BRME1: variants seen among roughly 807,000 people sequenced by gnomAD.
The protein encoded by BRME1 is BRCA2 and MEILB2-associating protein 1.
In BRME1, 31 loss-of-function variants were observed where a neutral mutation model predicts 52.6. The observed-to-expected ratio is 0.59, with a 90% CI of 0.44 to 0.80. BRME1 has a LOEUF of 0.80. BRME1 is among the 30% of genes least tolerant of loss of function. The pLI, the probability that BRME1 is intolerant of heterozygous loss-of-function variation, is 0.00. For synonymous variants in BRME1, 359 were observed against 353.6 expected (o/e 1.02, Z -0.17); for missense variants, 804 against 860.3 (o/e 0.93, Z 0.82).
At chr19:13,905,547 AC>A (rs1568397034) in intron 1 of BRME1, among the ~76,000 whole-genome samples, 167 bp downstream of exon 1, 1 of 151,454 alleles carries the variant, frequency 6.6e-6, no homozygotes, top group Non-Finnish European at 1.5e-5. Flanking sequence ...GGTGGCACAC[AC>A]CCGTAATCCC....
chr19:13,892,332 T>A (rs1969561346), intron 5 of BRME1, among the ~76,000 whole-genome samples: 1 of 152,262 alleles, frequency 6.6e-6, no homozygotes, highest in Non-Finnish European at 1.5e-5. Flanking sequence ...ATGCCTGTAA[T>A]CCCAGCACTT....
intron 5 of BRME1, 63 bp downstream of exon 5, chr19:13,892,723 C>A: frequency 7.2e-7 from 1 of 1,386,894 alleles, no homozygotes; most frequent in Non-Finnish European, 1.0e-6. Context: ...AATGGGGCTG[C>A]CGAGGCTGGG....
intron 2 of BRME1, among the ~76,000 whole-genome samples, chr19:13,898,283 T>C (rs547311807): frequency 2.0e-4 from 30 of 152,210 alleles, no homozygotes; most frequent in Admixed American, 2.0e-4. Flanking sequence ...ACTGAATGCC[T>C]ACTATGTAGT....
chr19:13,889,211 CAG>C lies in BRME1; in HGVS notation c.1643_1644del (p.Ser548Ter). On this transcript the variant is annotated frameshift_variant, in exon 6 of 9. Coordinates refer to ENST00000586783, the MANE Select transcript of BRME1 (RefSeq NM_001345843.2). LOFTEE classifies it high-confidence loss of function. ...DSQIQDALDASDFEAPPEQLF... is the reference protein window; with the variant it reads ...DSQIQDALDAXDFEAPPEQLF... ...ACCTGCTCAGGTGGGGCTTCGAAGT[CAG>C]AGGCGTCCAGGGCATCCTGTATCTG... 1 of 1,597,608 alleles carries C rather than the reference CAG, an allele frequency of 6.3e-7. No individual in the cohort carries two copies. The highest frequency in any genetic ancestry group is 1.1e-5 in the South Asian group (1 of 88,910).
intron 6 of BRME1, among the ~76,000 whole-genome samples, chr19:13,886,446 G>A (rs1050130316): frequency 6.6e-6 from 1 of 152,188 alleles, no homozygotes; most frequent in Non-Finnish European, 1.5e-5. Flanking sequence ...AACACAAAGC[G>A]GGGGCAACTG....
At position 13,882,733 on chromosome 19, in the gene BRME1, GGA is replaced by G; in HGVS notation, c.*67_*68del. 1 of 1,592,746 alleles carries G rather than the reference GGA, an allele frequency of 6.3e-7. No homozygotes were observed. Among genetic ancestry groups the G allele is most frequent in the South Asian group, 1.1e-5 (1 of 89,906 alleles). ...TTTGTAGGGTCCACTAGGACCCCCT[GGA>G]GCATCTTGGAGGAGGTCTGCGGACA... On this transcript the variant is annotated 3_prime_UTR_variant, in exon 9 of 9. Transcript: ENST00000586783.
chr19:13,900,428 C>T (rs149710117), intron 2 of BRME1, among the ~76,000 whole-genome samples: 2 of 152,258 alleles, frequency 1.3e-5, no homozygotes, highest in Non-Finnish European at 2.9e-5. Context: ...TCCCCAGCTT[C>T]CCCCTCCAAG....
Position 13,905,861 on chromosome 19 carries a change from G to A in BRME1, c.-168C>T, listed in dbSNP as rs756409414. 6.6e-6 allele frequency: 1 copy of A among 152,168 alleles called. No homozygotes were observed. The highest frequency in any genetic ancestry group is 1.5e-5 in the Non-Finnish European group (1 of 68,066). 9.4% of individuals were successfully genotyped at this position (152,168 alleles called of 1,614,324 possible). On this transcript the variant is annotated 5_prime_UTR_variant, in exon 1 of 9. Coordinates refer to ENST00000586783, the MANE Select transcript of BRME1 (RefSeq NM_001345843.2). ...AATTGGCCCTCACAGAACGCTGGAGGCCTCGAGTCCGGAGGTGAAAGATGG... is the reference window on the plus strand; with the variant it reads ...AATTGGCCCTCACAGAACGCTGGAGACCTCGAGTCCGGAGGTGAAAGATGG...
At chr19:13,890,537 G>A in intron 5 of BRME1, 75 bp from the exon 6 acceptor site, 2 of 1,360,568 alleles carry the variant, frequency 1.5e-6, no homozygotes, top group East Asian at 5.1e-5. Context: ...TTAGGTTGGT[G>A]TAAAAGTAAT....
Position 13,882,441 on chromosome 19 carries a change from C to T in BRME1, c.*361G>A. On this transcript the variant is annotated 3_prime_UTR_variant, in exon 9 of 9. Coordinates refer to ENST00000586783, the MANE Select transcript of BRME1 (RefSeq NM_001345843.2). ...AGAAAACAAAGGGAGCTCTCTTCTC[C>T]TCCAGGAAAGAAACAAATTCTGAAC... The T allele has an allele frequency of 2.4e-6, 1 of 413,690 alleles. No individual in the cohort carries two copies. Among genetic ancestry groups the T allele is most frequent in the Non-Finnish European group, 4.3e-6 (1 of 235,096 alleles). 25.6% of individuals were successfully genotyped at this position (413,690 alleles called of 1,614,324 possible).
At chr19:13,897,769 G>A (rs2145205267) in intron 2 of BRME1, among the ~76,000 whole-genome samples, 1 of 152,282 alleles carries the variant, frequency 6.6e-6, no homozygotes, top group South Asian at 2.1e-4. Context: ...GGCTGAAGGG[G>A]GAGGATGACT....
intron 3 of BRME1, 62 bp downstream of exon 3, chr19:13,895,310 G>T: frequency 6.6e-7 from 1 of 1,515,606 alleles, no homozygotes; most frequent in Non-Finnish European, 9.0e-7. Flanking sequence ...GCTGTCTGCT[G>T]AGCTGCTGTG....
In BRME1 at chr19:13,883,257, C is replaced by G; in HGVS notation, c.1856+51G>C. On this transcript the variant is annotated intron_variant, in intron 8 of 8. Coordinates refer to ENST00000586783, the MANE Select transcript of BRME1 (RefSeq NM_001345843.2). This position sits in a 1 kb window ranked among gnomAD's most constrained non-coding sequence, Gnocchi z 4.2. ...CAGTCCCTCCCTGCTCCTCTGAGTCCCCACTGGCCTCCCGCAGACCCTGTG... is the reference window on the plus strand; with the variant it reads ...CAGTCCCTCCCTGCTCCTCTGAGTCGCCACTGGCCTCCCGCAGACCCTGTG... 1 of 1,462,424 alleles carries G rather than the reference C, an allele frequency of 6.8e-7. No homozygotes were observed. Among genetic ancestry groups the G allele is most frequent in the Non-Finnish European group, 9.2e-7 (1 of 1,082,664 alleles). The allele number at this position is 1,462,424 out of a possible 1,614,324, so 90.6% of individuals were successfully genotyped here. A position where few individuals can be genotyped will look rare whatever the true frequency, so the allele number is the denominator to read the frequency against.
At chr19:13,897,003 CTA>C (rs1455101743) in intron 2 of BRME1, among the ~76,000 whole-genome samples, 1 of 147,394 alleles carries the variant, frequency 6.8e-6, no homozygotes, top group African/African-American at 2.5e-5. Flanking sequence ...TCGCCAGAAT[CTA>C]TCTTTTGAAT....
intron 5 of BRME1, among the ~76,000 whole-genome samples, chr19:13,892,336 A>T (rs777465557): frequency 1.3e-4 from 20 of 152,178 alleles, no homozygotes; most frequent in Non-Finnish European, 2.8e-4. Context: ...CTGTAATCCC[A>T]GCACTTTGGG....
rs749781110 is a variant in BRME1 at position 13,886,038 on chromosome 19, G to A, written c.1686C>T (p.Asn562=). Residue 562 remains asparagine, a synonymous_variant, in exon 7 of 9, where the codon AAC becomes AAT. Transcript: ENST00000586783. ...APPEQLFPSG[N]KPGPCWPGPS... The stretch of plus-strand genomic sequence containing the variant: ...GGCCCGGCCAGCAAGGGCCCGGCTT[G>A]TTCCCCGAAGGAAAGAGCTGGAAAG... 7 of 1,613,886 alleles carry A rather than the reference G, an allele frequency of 4.3e-6. No individual in the cohort carries two copies. Among genetic ancestry groups the A allele is most frequent in the Admixed American group, 3.3e-5 (2 of 60,010 alleles).
rs1599311420 is a variant in BRME1 at position 13,883,435 on chromosome 19, A to C, written c.1764-35T>G. The stretch of plus-strand genomic sequence containing the variant: ...AGGGAAGGAAATTGAGAGTGGCCCG[A>C]CCTCACTGGACTACCAGAGCTCTCC... On this transcript the variant is annotated intron_variant, in intron 7 of 8. Transcript: ENST00000586783. This position sits in a 1 kb window ranked among gnomAD's most constrained non-coding sequence, Gnocchi z 4.2. The C allele has an allele frequency of 6.9e-7, 1 of 1,447,584 alleles. No individual in the cohort carries two copies. The highest frequency in any genetic ancestry group is 9.4e-7 in the Non-Finnish European group (1 of 1,067,590). 89.7% of individuals were successfully genotyped at this position (1,447,584 alleles called of 1,614,324 possible). A position where few individuals can be genotyped will look rare whatever the true frequency, so the allele number is the denominator to read the frequency against.
chr19:13,903,565 T>C lies in BRME1; in HGVS notation c.31+1297A>G, dbSNP rs144158575. 2.7e-3 allele frequency among the ~76,000 whole-genome samples: 398 copies of C among 148,936 alleles called. 1 individual carries two copies. The highest frequency in any genetic ancestry group is 9.8e-3 in the African/African-American group (385 of 39,196). On this transcript the variant is annotated intron_variant, in intron 2 of 8. Transcript: ENST00000586783. Reference sequence around the variant, plus strand: ...GTGCACATCTGTAGTCCCAGCTACTTAGGAGGCTGAGGCTGCAGAATCGCT... The same window carrying C: ...GTGCACATCTGTAGTCCCAGCTACTCAGGAGGCTGAGGCTGCAGAATCGCT...
chr19:13,882,496 T>C lies in BRME1; in HGVS notation c.*306A>G. ...CATACTTGGCTCAGGACCCTAAAATTTGCAAATCCGGACAGGATGGGCCCT... is the reference window on the plus strand; with the variant it reads ...CATACTTGGCTCAGGACCCTAAAATCTGCAAATCCGGACAGGATGGGCCCT... On this transcript the variant is annotated 3_prime_UTR_variant, in exon 9 of 9. Coordinates refer to ENST00000586783, the MANE Select transcript of BRME1 (RefSeq NM_001345843.2). 2.1e-6 allele frequency: 1 copy of C among 466,764 alleles called. No individual in the cohort carries two copies. Among genetic ancestry groups the C allele is most frequent in the Non-Finnish European group, 3.8e-6 (1 of 266,422 alleles). 28.9% of individuals were successfully genotyped at this position (466,764 alleles called of 1,614,324 possible).
Sources: gnomAD v4.1 joint callset for allele counts (sites outside exome capture counted in the v4.1 genomes callset) on GRCh38, gnomAD v4.1.1 for gene constraint, Gnocchi (gnomAD v3.1) non-coding constraint, MANE v1.5 for transcripts, NCBI Gene and HGNC (gene_info 2026-07-23, HGNC 2026-07-21) for gene names.